The following ROBO2 variants were observed in gnomAD, a reference collection of about 807,000 sequenced individuals.
The protein encoded by ROBO2 is roundabout guidance receptor 2, also known as roundabout homolog 2.
A neutral mutation model predicts 160.8 loss-of-function variants in ROBO2; 53 were observed. That is an observed-to-expected ratio of 0.33 (90% confidence interval 0.26 to 0.41). The LOEUF (loss-of-function observed/expected upper bound fraction) is 0.41. Ranked by LOEUF, ROBO2 falls within the 10% of genes least tolerant of loss-of-function variation. The pLI, the probability that ROBO2 is intolerant of heterozygous loss-of-function variation, is 1.00. For missense variants in ROBO2, 1,577 were observed against 1,722.4 expected (o/e 0.92, Z 1.49); for synonymous variants, 664 against 611.7 (o/e 1.09, Z -1.26).
At chr3:77,574,751 T>A (rs1289848473) in intron 14 of ROBO2, 21 bp downstream of exon 15, 2 of 1,591,924 alleles carry the variant, frequency 1.3e-6, no homozygotes, top group Non-Finnish European at 1.7e-6. Context: ...AGATTTCGAA[T>A]ATAAATCAAA....
At chr3:76,057,407 T>G (rs2067885520) in intron 2 of ROBO2, among the ~76,000 whole-genome samples, 1 of 152,216 alleles carries the variant, frequency 6.6e-6, no homozygotes, top group Non-Finnish European at 1.5e-5. Flanking sequence ...AGGTTAGAAA[T>G]ACTTTAAAGG....
chr3:77,349,885 G>A (rs1252510917), intron 2 of ROBO2, among the ~76,000 whole-genome samples: 1 of 151,964 alleles, frequency 6.6e-6, no homozygotes, highest in Non-Finnish European at 1.5e-5. Context: ...AGCTCTGCCT[G>A]TCTATAGAAG....
At chr3:76,225,439 G>A (rs934054465) in intron 2 of ROBO2, among the ~76,000 whole-genome samples, 1 of 152,270 alleles carries the variant, frequency 6.6e-6, no homozygotes, top group Non-Finnish European at 1.5e-5. Context: ...TTCAGGCCAG[G>A]TGTGGTGGTT....
intron 2 of ROBO2, among the ~76,000 whole-genome samples, chr3:76,838,057 A>G (rs4856055): frequency 0.062 from 9,360 of 152,192 alleles, 312 homozygotes; most frequent in East Asian, 0.11. Flanking sequence ...GCAGCCATGA[A>G]AAAGAGTGAT....
intron 2 of ROBO2, among the ~76,000 whole-genome samples, chr3:77,396,466 T>C (rs2075293727): frequency 6.6e-6 from 1 of 152,156 alleles, no homozygotes; most frequent in South Asian, 2.1e-4. Flanking sequence ...TATTGTGAAC[T>C]TAAGCTGTCG....
chr3:75,961,314 T>A (rs1444183658), intron 2 of ROBO2, among the ~76,000 whole-genome samples: 1 of 151,680 alleles, frequency 6.6e-6, no homozygotes, highest in Non-Finnish European at 1.5e-5. Context: ...TGTATGTTAT[T>A]TAACCTTAAG....
At chr3:77,331,715 A>ATT (rs1581128583) in intron 2 of ROBO2, among the ~76,000 whole-genome samples, 1 of 105,014 alleles carries the variant, frequency 9.5e-6, no homozygotes, top group African/African-American at 2.9e-5. Context: ...ATTTATTTAT[A>ATT]TATTTTGAGA....
chr3:76,119,866 CCCCTTCCTT>C (rs1451524246), intron 2 of ROBO2, among the ~76,000 whole-genome samples: 7 of 147,984 alleles, frequency 4.7e-5, no homozygotes, highest in African/African-American at 1.0e-4. Flanking sequence ...CTCTCTCCCT[CCCCTTCCTT>C]CCCTTCCTTC....
intron 2 of ROBO2, among the ~76,000 whole-genome samples, chr3:76,600,144 C>T (rs1288368318): frequency 2.0e-5 from 3 of 152,154 alleles, no homozygotes; most frequent in Non-Finnish European, 4.4e-5. Flanking sequence ...ATGGTATTGC[C>T]TAGATTGCCT....
At chr3:76,590,379 T>G (rs936580468) in intron 2 of ROBO2, among the ~76,000 whole-genome samples, 6 of 152,136 alleles carry the variant, frequency 3.9e-5, no homozygotes, top group African/African-American at 1.4e-4. Flanking sequence ...TATTTATACG[T>G]ATAATTATTT....
At chr3:76,679,751 G>C (rs2092507640) in intron 2 of ROBO2, among the ~76,000 whole-genome samples, 1 of 152,118 alleles carries the variant, frequency 6.6e-6, no homozygotes, top group African/African-American at 2.4e-5. Flanking sequence ...GAAATTCTTT[G>C]TGTCTTTTTA....
intron 2 of ROBO2, among the ~76,000 whole-genome samples, chr3:77,402,843 C>T (rs1183547527): frequency 1.3e-5 from 2 of 152,052 alleles, no homozygotes; most frequent in Non-Finnish European, 2.9e-5. Flanking sequence ...CTTGATCTCC[C>T]AAGTCGCCCA....
chr3:76,529,839 T>C (rs1490834050), intron 2 of ROBO2, among the ~76,000 whole-genome samples: 1 of 152,140 alleles, frequency 6.6e-6, no homozygotes, highest in East Asian at 1.9e-4. Flanking sequence ...GAAGATTGAC[T>C]TAGTACCATG....
chr3:77,334,290 C>G (rs1273197022), intron 2 of ROBO2, among the ~76,000 whole-genome samples: 1 of 152,168 alleles, frequency 6.6e-6, no homozygotes, highest in East Asian at 1.9e-4. Context: ...GTAAATCTGC[C>G]TTGGGCACTG....
intron 2 of ROBO2, among the ~76,000 whole-genome samples, chr3:77,176,981 A>T (rs1194569676): frequency 6.6e-6 from 1 of 151,956 alleles, no homozygotes; most frequent in East Asian, 1.9e-4. Context: ...TCTTTAAAGA[A>T]TCTGTAGGTA....
intron 1 of ROBO2, among the ~76,000 whole-genome samples, chr3:77,046,273 A>G (rs900564125): frequency 1.3e-5 from 2 of 152,208 alleles, no homozygotes; most frequent in Non-Finnish European, 2.9e-5. Flanking sequence ...GAAGGGCCTT[A>G]TGAGTTGGGT....
intron 2 of ROBO2, among the ~76,000 whole-genome samples, chr3:77,410,083 T>C (rs942227692): frequency 1.3e-5 from 2 of 152,208 alleles, no homozygotes; most frequent in Non-Finnish European, 2.9e-5. Context: ...CATGCCTCCT[T>C]AGACACTGTA....
chr3:76,691,704 A>C (rs1200443484), intron 2 of ROBO2, among the ~76,000 whole-genome samples: 1 of 152,164 alleles, frequency 6.6e-6, no homozygotes, highest in African/African-American at 2.4e-5. Context: ...TCATGAGATC[A>C]ATAAACAGAG....
chr3:75,950,599 A>AC (rs201321082), intron 2 of ROBO2, among the ~76,000 whole-genome samples: 2,583 of 152,054 alleles, frequency 0.017, 45 homozygotes, highest in Non-Finnish European at 0.027. Flanking sequence ...CAGGTCTTTG[A>AC]ATAATGACAT....
Sources: allele counts gnomAD v4.1 joint callset (sites outside exome capture counted in the v4.1 genomes callset), GRCh38; gene constraint gnomAD v4.1.1; transcripts MANE v1.5; gene names NCBI Gene and HGNC (gene_info 2026-07-23, HGNC 2026-07-21).